STIL: variants seen among roughly 807,000 people sequenced by gnomAD.
STIL encodes SCL-interrupting locus protein.
A neutral mutation model predicts 110.1 loss-of-function variants in STIL; 55 were observed. The ratio of observed to expected loss-of-function variants is 0.50; its 90% CI spans 0.40 to 0.63. The LOEUF is 0.63. Among genes scored for constraint, STIL ranks in the 20% least tolerant of loss-of-function variants. The probability of loss-of-function intolerance (pLI) is 0.00; values close to 1 mark genes in which losing one functional copy is unlikely to be tolerated. For synonymous variants in STIL, 481 were observed against 530.0 expected (o/e 0.91, Z 1.27); for missense variants, 1,358 against 1,530.0 (o/e 0.89, Z 1.87).
In STIL at chr1:47,265,237, C is replaced by CAAAAAAAAAAAA. The variant is rs61666574; in HGVS notation, c.2616-2133_2616-2122dup. Among the ~76,000 whole-genome samples the CAAAAAAAAAAAA allele has an allele frequency of 1.6e-3, 84 of 51,640 alleles. 5 individuals are homozygous for CAAAAAAAAAAAA. Among genetic ancestry groups the CAAAAAAAAAAAA allele is most frequent in the East Asian group, 8.4e-3 (18 of 2,150 alleles). 33.9% of individuals were successfully genotyped at this position (51,640 alleles called of 152,430 possible). On this transcript the variant is annotated intron_variant, in intron 14 of 16. Coordinates refer to ENST00000371877, the MANE Select transcript of STIL (RefSeq NM_001048166.1). ...AGCAACAGAGCAACACTCCATCTCCCAAAAAAAAAAAAAAAAAAAAAAACA... is the reference window on the plus strand; with the variant it reads ...AGCAACAGAGCAACACTCCATCTCCCAAAAAAAAAAAAAAAAAAAAAAAAAAAAAAAAAAACA...
intron 13 of STIL, among the ~76,000 whole-genome samples, chr1:47,270,092 T>C (rs1178657624): frequency 6.6e-6 from 1 of 151,208 alleles, no homozygotes; most frequent in Non-Finnish European, 1.5e-5. Context: ...TACAAAAAAA[T>C]TAGCCAGGTG....
At chr1:47,264,930 TAAA>T (rs35230201) in intron 14 of STIL, among the ~76,000 whole-genome samples, 3 of 128,832 alleles carry the variant, frequency 2.3e-5, no homozygotes, top group Non-Finnish European at 4.7e-5. Context: ...TTTCTAAAGT[TAAA>T]AAAAAAAAAA....
At chr1:47,263,910 G>C (rs985008569) in intron 14 of STIL, among the ~76,000 whole-genome samples, 39 of 151,874 alleles carry the variant, frequency 2.6e-4, no homozygotes, top group African/African-American at 7.5e-4. Flanking sequence ...GCACCACCAT[G>C]CTCAGCTAGT....
At chr1:47,293,204 T>C (rs1229327949) in intron 8 of STIL, among the ~76,000 whole-genome samples, 3 of 152,192 alleles carry the variant, frequency 2.0e-5, no homozygotes, top group Admixed American at 6.5e-5. Context: ...CCACAGTTTT[T>C]TTCCACCCCC....
At chr1:47,300,276 G>A in intron 5 of STIL, 124 bp from the exon 6 acceptor site, 1 of 947,246 alleles carries the variant, frequency 1.1e-6, no homozygotes, top group South Asian at 1.8e-5. Context: ...AATGAGTTCT[G>A]ATTTACAGCA....
intron 16 of STIL, among the ~76,000 whole-genome samples, chr1:47,256,626 A>G (rs1327353936): frequency 6.7e-6 from 1 of 149,776 alleles, no homozygotes; most frequent in Non-Finnish European, 1.5e-5. Context: ...ATCTCAAAAA[A>G]AAAAAAAAAA....
intron 2 of STIL, among the ~76,000 whole-genome samples, chr1:47,309,065 A>AT (rs1167067640): frequency 6.1e-4 from 92 of 151,174 alleles, no homozygotes; most frequent in South Asian, 1.0e-3. Flanking sequence ...AAAAAAAAAA[A>AT]AATAATAATA....
chr1:47,303,941 C>A (rs1645879088), intron 3 of STIL, among the ~76,000 whole-genome samples: 1 of 152,108 alleles, frequency 6.6e-6, no homozygotes, highest in African/African-American at 2.4e-5. Context: ...ATAATAGATG[C>A]CATTTATGAA....
intron 10 of STIL, 86 bp from the exon 11 acceptor site, chr1:47,282,545 G>A: frequency 1.3e-6 from 1 of 775,784 alleles, no homozygotes; most frequent in Non-Finnish European, 2.3e-6. Context: ...CCTTTAATAA[G>A]TTGCAGTAGT....
At chr1:47,279,067 G>T (rs1267636573) in intron 12 of STIL, among the ~76,000 whole-genome samples, 1 of 152,130 alleles carries the variant, frequency 6.6e-6, no homozygotes. Flanking sequence ...GGAGGCCGAG[G>T]TGGGAGGATC....
At chr1:47,282,639 C>T (rs1305877850) in intron 10 of STIL, 180 bp from the exon 11 acceptor site, 2 of 573,880 alleles carry the variant, frequency 3.5e-6, no homozygotes, top group African/African-American at 3.8e-5. Context: ...GAAGCTGGAC[C>T]AGCCAGCCTT....
intron 10 of STIL, among the ~76,000 whole-genome samples, chr1:47,284,259 T>C (rs61782712): frequency 0.17 from 26,584 of 152,196 alleles, 2,965 homozygotes; most frequent in East Asian, 0.53. Context: ...TGTATAGTTA[T>C]AACAACAGTA....
chr1:47,311,652 C>A (rs1288691826), intron 1 of STIL, among the ~76,000 whole-genome samples: 3 of 152,186 alleles, frequency 2.0e-5, no homozygotes, highest in Non-Finnish European at 2.9e-5. Flanking sequence ...AAGCTAAACA[C>A]AGACCTCGTA....
intron 8 of STIL, among the ~76,000 whole-genome samples, chr1:47,290,659 C>T (rs1397548992): frequency 3.3e-5 from 5 of 149,730 alleles, no homozygotes; most frequent in African/African-American, 1.2e-4. Context: ...GCCGAGATCG[C>T]GCCACAGCAC....
chr1:47,291,624 G>C (rs1285337725), intron 8 of STIL, among the ~76,000 whole-genome samples: 1 of 151,912 alleles, frequency 6.6e-6, no homozygotes, highest in African/African-American at 2.4e-5. Context: ...GGAGTGTAGT[G>C]GTGCGATCTC....
intron 9 of STIL, among the ~76,000 whole-genome samples, chr1:47,289,074 A>AAC (rs945147229): frequency 2.0e-5 from 3 of 148,598 alleles, no homozygotes; most frequent in South Asian, 2.1e-4. Context: ...AAAAAAAAAA[A>AAC]AAAAAAAAAA....
intron 14 of STIL, among the ~76,000 whole-genome samples, chr1:47,265,969 T>C (rs1644643090): frequency 1.3e-5 from 2 of 151,964 alleles, no homozygotes; most frequent in Non-Finnish European, 2.9e-5. Context: ...GGTTTCGCCA[T>C]GTTACCCAGG....
chr1:47,274,315 T>C (rs1284910297), intron 12 of STIL, among the ~76,000 whole-genome samples: 1 of 151,726 alleles, frequency 6.6e-6, no homozygotes, highest in African/African-American at 2.4e-5. Context: ...ACAGCTAATA[T>C]TCTTTCTTTC....
At chr1:47,258,043 A>G (rs1191595134) in intron 16 of STIL, among the ~76,000 whole-genome samples, 2 of 152,196 alleles carry the variant, frequency 1.3e-5, no homozygotes, top group Non-Finnish European at 2.9e-5. Flanking sequence ...CATTTCCGAG[A>G]TTCTATTCTA....
Sources: gnomAD v4.1 joint callset for allele counts (sites outside exome capture counted in the v4.1 genomes callset) on GRCh38, gnomAD v4.1.1 for gene constraint, MANE v1.5 for transcripts, NCBI Gene and HGNC (gene_info 2026-07-23, HGNC 2026-07-21) for gene names.